Variants in WDSUB1 observed in about 807,000 individuals in gnomAD.
The protein encoded by WDSUB1 is WD repeat, SAM and U-box domain-containing protein 1.
WDSUB1 carries 49 observed loss-of-function variants against 53.9 expected under a neutral mutation model. The ratio of observed to expected loss-of-function variants is 0.91; its 90% confidence interval spans 0.72 to 1.15. The LOEUF (loss-of-function observed/expected upper bound fraction) is 1.15. Among genes scored for constraint, WDSUB1 ranks in the 50% most tolerant of loss-of-function variants. WDSUB1 has a pLI of 0.00. For missense variants in WDSUB1, 514 were observed against 562.0 expected, an observed-to-expected ratio of 0.91 and a Z score of 0.86; for synonymous variants, 194 against 200.6, an observed-to-expected ratio of 0.97 and a Z score of 0.28.
intron 10 of WDSUB1, among the ~76,000 whole-genome samples, chr2:159,241,976 T>C (rs1052814843): frequency 1.4e-5 from 2 of 147,664 alleles, no homozygotes; most frequent in Non-Finnish European, 2.9e-5. Context: ...GAATGAAGCA[T>C]GTACTTCCAA....
At chr2:159,246,567 C>G (rs1159516509) in intron 10 of WDSUB1, among the ~76,000 whole-genome samples, 1 of 151,962 alleles carries the variant, frequency 6.6e-6, no homozygotes, top group Non-Finnish European at 1.5e-5. Flanking sequence ...TAGAATGATA[C>G]AATCACTTTG....
intron 2 of WDSUB1, among the ~76,000 whole-genome samples, chr2:159,280,796 A>AC: frequency 6.6e-6 from 1 of 152,060 alleles, no homozygotes; most frequent in African/African-American, 2.4e-5. Flanking sequence ...CGTTAGGAAG[A>AC]CAGGGAGGCA....
Position 159,236,000 on chromosome 2 carries a change from A to G in WDSUB1, c.*33T>C. 6.4e-7 allele frequency: 1 copy of G among 1,554,918 alleles called. No individual in the cohort carries two copies. The highest frequency in any genetic ancestry group is 8.7e-7 in the Non-Finnish European group (1 of 1,153,066). On this transcript the variant is annotated 3_prime_UTR_variant, in exon 11 of 11. Coordinates refer to ENST00000359774, the MANE Select transcript of WDSUB1 (RefSeq NM_001128212.3). ...ACCTATAAATCATTCAAATGAGATC[A>G]CTGAAAATATAAATAATACAATATC...
At chr2:159,280,377 T>C (rs1272558599) in intron 2 of WDSUB1, among the ~76,000 whole-genome samples, 1 of 152,126 alleles carries the variant, frequency 6.6e-6, no homozygotes, top group Non-Finnish European at 1.5e-5. Flanking sequence ...TCAAAGGTAC[T>C]TACAACGTCT....
chr2:159,255,964 A>C (rs568222821), intron 9 of WDSUB1, among the ~76,000 whole-genome samples: 21 of 151,476 alleles, frequency 1.4e-4, no homozygotes, highest in African/African-American at 4.9e-4. Context: ...TTCTCCAAAG[A>C]AGATATATAA....
At chr2:159,260,304 C>CAA (rs112078724) in intron 5 of WDSUB1, among the ~76,000 whole-genome samples, 3 of 149,856 alleles carry the variant, frequency 2.0e-5, no homozygotes, top group Non-Finnish European at 4.5e-5. Context: ...GACTCTATCT[C>CAA]AAAAAAAACA....
At chr2:159,276,683 G>A (rs2061548329) in intron 3 of WDSUB1, among the ~76,000 whole-genome samples, 1 of 152,112 alleles carries the variant, frequency 6.6e-6, no homozygotes, top group South Asian at 2.1e-4. Flanking sequence ...ATCACAAGTA[G>A]TTTCATCAAG....
chr2:159,267,743 T>C (rs180831707), intron 5 of WDSUB1, among the ~76,000 whole-genome samples: 1 of 151,712 alleles, frequency 6.6e-6, no homozygotes, highest in East Asian at 1.9e-4. Context: ...ATTCATTCTA[T>C]CTTATCATTG....
chr2:159,280,711 T>TAAAAA, intron 2 of WDSUB1, among the ~76,000 whole-genome samples: 3 of 76,776 alleles, frequency 3.9e-5, no homozygotes, highest in Non-Finnish European at 1.0e-4. Flanking sequence ...AAAAAAAAAT[T>TAAAAA]ACCCAGAAGC....
chr2:159,241,151 G>A (rs1029826096), intron 10 of WDSUB1, among the ~76,000 whole-genome samples: 8 of 152,208 alleles, frequency 5.3e-5, no homozygotes, highest in Non-Finnish European at 7.3e-5. Context: ...TCAGGTTTAG[G>A]AGGTTTTTAT....
chr2:159,277,416 T>A (rs954462939), intron 3 of WDSUB1, among the ~76,000 whole-genome samples: 3 of 152,246 alleles, frequency 2.0e-5, no homozygotes, highest in South Asian at 4.1e-4. Flanking sequence ...ATAGATCCTT[T>A]GAAGTTAATT....
intron 2 of WDSUB1, among the ~76,000 whole-genome samples, chr2:159,280,959 T>C (rs1246283328): frequency 3.3e-5 from 5 of 152,246 alleles, no homozygotes; most frequent in African/African-American, 1.2e-4. Context: ...CCAGAAGTCA[T>C]CATTGGATAA....
intron 2 of WDSUB1, among the ~76,000 whole-genome samples, chr2:159,282,147 T>G (rs1400642849): frequency 6.6e-6 from 1 of 152,070 alleles, no homozygotes; most frequent in Non-Finnish European, 1.5e-5. Flanking sequence ...ATAAGAATCA[T>G]ATTAAACAAC....
intron 1 of WDSUB1, among the ~76,000 whole-genome samples, chr2:159,285,761 T>C (rs73968312): frequency 0.029 from 4,352 of 152,260 alleles, 197 homozygotes; most frequent in African/African-American, 0.094. Context: ...CTTCATCTTA[T>C]CCTTTTAGGA....
At chr2:159,236,972 T>G (rs1575415101) in intron 10 of WDSUB1, among the ~76,000 whole-genome samples, 2 of 152,186 alleles carry the variant, frequency 1.3e-5, no homozygotes, top group South Asian at 4.1e-4. Context: ...CCTTTATACA[T>G]GTAAAGATTG....
chr2:159,243,967 AAG>A (rs1199232093), intron 10 of WDSUB1, among the ~76,000 whole-genome samples: 1 of 152,220 alleles, frequency 6.6e-6, no homozygotes, highest in Non-Finnish European at 1.5e-5. Flanking sequence ...AGCCAGACCC[AAG>A]AGAGAGACAC....
chr2:159,269,803 AAATAC>A (rs1368658965), intron 5 of WDSUB1, among the ~76,000 whole-genome samples: 2 of 152,238 alleles, frequency 1.3e-5, no homozygotes, highest in African/African-American at 4.8e-5. Context: ...TCATCTGATG[AAATAC>A]AATACCCTTG....
chr2:159,265,092 A>T (rs1575471119), intron 5 of WDSUB1, among the ~76,000 whole-genome samples: 3 of 146,652 alleles, frequency 2.0e-5, no homozygotes, highest in East Asian at 4.0e-4. Context: ...CTCAAAAAAA[A>T]AAAAAAATAA....
rs1466028143 is a variant in WDSUB1 at position 159,257,928 on chromosome 2, T to G, written c.845+17A>C. On this transcript the variant is annotated intron_variant, in intron 7 of 10. Transcript: ENST00000359774. ...ATTTTTAAATTATATTAATACAAGG[T>G]GAGGTTAAGTTCAGACCTGGTGTGC... is the stretch of plus-strand genomic sequence containing the variant. 1 of 1,612,426 alleles carries G rather than the reference T, an allele frequency of 6.2e-7. No individual in the cohort carries two copies. Among genetic ancestry groups the G allele is most frequent in the Non-Finnish European group, 8.5e-7 (1 of 1,178,688 alleles).
Sources: allele counts gnomAD v4.1 joint callset (sites outside exome capture counted in the v4.1 genomes callset), GRCh38; gene constraint gnomAD v4.1.1; transcripts MANE v1.5; gene names NCBI Gene and HGNC (gene_info 2026-07-23, HGNC 2026-07-21).